The following UGT1A10 variants were observed in gnomAD, a reference collection of about 807,000 sequenced individuals.
The protein encoded by UGT1A10 is UDP glucuronosyltransferase family 1 member A10, also known as UDP-glucuronosyltransferase 1A10.
UGT1A10 carries 49 observed loss-of-function variants against 45.8 expected under a neutral mutation model. The ratio of observed to expected loss-of-function variants is 1.07; its 90% CI spans 0.85 to 1.36. UGT1A10 has a LOEUF of 1.36. Among genes scored for constraint, UGT1A10 ranks in the 40% most tolerant of loss-of-function variants. UGT1A10 has a pLI of 0.00. For missense variants in UGT1A10, 745 were observed against 668.6 expected (o/e 1.11, Z -1.26); for synonymous variants, 284 against 249.7 (o/e 1.14, Z -1.29).
chr2:233,716,115 A>G (rs2076487299), intron 1 of UGT1A10, among the ~76,000 whole-genome samples: 1 of 152,126 alleles, frequency 6.6e-6, no homozygotes, highest in Non-Finnish European at 1.5e-5. Flanking sequence ...TAGTTTTTCC[A>G]TCTTAGTTTT....
intron 1 of UGT1A10, among the ~76,000 whole-genome samples, chr2:233,639,480 T>C (rs907787690): frequency 2.6e-5 from 4 of 152,192 alleles, no homozygotes; most frequent in Non-Finnish European, 5.9e-5. Flanking sequence ...TGCCAGGATG[T>C]GTCTGGGAAA....
At chr2:233,699,749 C>G (rs1408864122) in intron 1 of UGT1A10, among the ~76,000 whole-genome samples, 1 of 152,124 alleles carries the variant, frequency 6.6e-6, no homozygotes, top group Non-Finnish European at 1.5e-5. Context: ...AAAACTAGAC[C>G]CCAGTTCCTC....
chr2:233,760,880 C>T, intron 1 of UGT1A10: 2 of 1,614,166 alleles, frequency 1.2e-6, no homozygotes, highest in Non-Finnish European at 1.7e-6. Context: ...AGGCCTCTCT[C>T]CTCTCATTCA....
chr2:233,665,284 T>C (rs776359376), intron 1 of UGT1A10, among the ~76,000 whole-genome samples: 2 of 152,236 alleles, frequency 1.3e-5, no homozygotes, highest in Admixed American at 6.5e-5. Flanking sequence ...TTGATATAGA[T>C]TTAGGCATTT....
chr2:233,725,119 T>G (rs1275718830), intron 1 of UGT1A10, among the ~76,000 whole-genome samples: 3 of 139,294 alleles, frequency 2.2e-5, no homozygotes. Flanking sequence ...GAGGTTGCAG[T>G]GAGCCGAGAT....
At chr2:233,748,610 A>G (rs1485251658) in intron 1 of UGT1A10, among the ~76,000 whole-genome samples, 1 of 151,818 alleles carries the variant, frequency 6.6e-6, no homozygotes, top group Non-Finnish European at 1.5e-5. Context: ...TAGAGCAACG[A>G]ACGTGGGATA....
intron 1 of UGT1A10, chr2:233,729,392 T>A (rs1335672104): frequency 6.2e-7 from 1 of 1,613,876 alleles, no homozygotes; most frequent in Non-Finnish European, 8.5e-7. Flanking sequence ...CAGGATGAAT[T>A]TGATCGCCAT....
rs571873235 is a variant in UGT1A10, at chr2:233,755,171, G to C, written c.856-11863G>C. On this transcript the variant is annotated intron_variant, in intron 1 of 4. Transcript: ENST00000344644. ...CTTCCTCCCTGTCCTCGGGGTTTTT[G>C]TCGGGGTGCCACTTGAGCGCCAGCT... 3.0e-4 allele frequency: 375 copies of C among 1,256,390 alleles called. 6 individuals carry two copies. In the South Asian group the frequency reaches 4.2e-3, roughly 14 times the overall value. The allele number at this position is 1,256,390 out of a possible 1,614,324, so 77.8% of individuals were successfully genotyped here.
chr2:233,682,609 C>T (rs367786048), intron 1 of UGT1A10: 1 of 1,613,626 alleles, frequency 6.2e-7, no homozygotes, highest in Non-Finnish European at 8.5e-7. Context: ...CCTATTTTTT[C>T]AAAAATGTCT....
At chr2:233,672,501 T>G in intron 1 of UGT1A10, 1 of 1,613,992 alleles carries the variant, frequency 6.2e-7, no homozygotes, top group South Asian at 1.1e-5. Flanking sequence ...CTCTTTCCTA[T>G]GTCCCCAGAA....
intron 1 of UGT1A10, among the ~76,000 whole-genome samples, chr2:233,704,144 G>T (rs2075769955): frequency 6.6e-6 from 1 of 151,886 alleles, no homozygotes; most frequent in Admixed American, 6.6e-5. Context: ...ACCCGCCTCA[G>T]CCTTTCAAAG....
chr2:233,720,447 A>G lies in UGT1A10; in HGVS notation c.856-46587A>G, dbSNP rs148666216. Among the ~76,000 whole-genome samples the G allele has an allele frequency of 8.6e-4, 131 of 152,258 alleles. 1 individual carries two copies. The highest frequency in any genetic ancestry group is 3.8e-4 in the Non-Finnish European group (26 of 68,020). On this transcript the variant is annotated intron_variant, in intron 1 of 4. Coordinates refer to ENST00000344644, the MANE Select transcript of UGT1A10 (RefSeq NM_019075.4). ...GATAAGACCGTGAATCTATAAGCCC[A>G]GTGAAGCTGGGACCAGTGATGAATG...
intron 1 of UGT1A10, among the ~76,000 whole-genome samples, chr2:233,731,205 G>A (rs956328200): frequency 4.6e-5 from 7 of 151,358 alleles, no homozygotes; most frequent in African/African-American, 1.5e-4. Context: ...TATAAAATAC[G>A]TGTTTATTTA....
In UGT1A10 at chr2:233,747,894, T is replaced by C. The variant is rs576515200; in HGVS notation, c.856-19140T>C. 115 of 1,613,584 alleles carry C rather than the reference T, an allele frequency of 7.1e-5. 5 individuals are homozygous for C. In the South Asian group the frequency reaches 1.2e-3, roughly 17 times the overall value. On this transcript the variant is annotated intron_variant, in intron 1 of 4. Coordinates refer to ENST00000344644, the MANE Select transcript of UGT1A10 (RefSeq NM_019075.4). ...CCTGTCCTACCTTTGCCATGCTCTTTCTGCTCCTTATGCAAGCCTTGCCTC... is the reference window on the plus strand; with the variant it reads ...CCTGTCCTACCTTTGCCATGCTCTTCCTGCTCCTTATGCAAGCCTTGCCTC...
At chr2:233,669,063 T>C (rs1229852895) in intron 1 of UGT1A10, among the ~76,000 whole-genome samples, 2 of 152,236 alleles carry the variant, frequency 1.3e-5, no homozygotes, top group Non-Finnish European at 2.9e-5. Flanking sequence ...TTTTCCCGCT[T>C]TCTTGCGAAT....
At chr2:233,754,596 T>C (rs1463963826) in intron 1 of UGT1A10, 2 of 431,834 alleles carry the variant, frequency 4.6e-6, no homozygotes, top group Non-Finnish European at 9.3e-6. Context: ...TGAAGGACTT[T>C]AACTCAACTC....
chr2:233,713,574 C>T (rs1477870335), intron 1 of UGT1A10: 1 of 1,613,856 alleles, frequency 6.2e-7, no homozygotes. Flanking sequence ...CTCCTATATT[C>T]CTAGATTACT....
At chr2:233,751,830 G>A (rs571499151) in intron 1 of UGT1A10, among the ~76,000 whole-genome samples, 82 of 152,290 alleles carry the variant, frequency 5.4e-4, no homozygotes, top group Non-Finnish European at 9.3e-4. Flanking sequence ...CCAGCCATGT[G>A]GAACTGAGTC....
chr2:233,744,048 C>T (rs982904755), intron 1 of UGT1A10: 4 of 712,778 alleles, frequency 5.6e-6, no homozygotes, highest in Non-Finnish European at 8.0e-6. Context: ...AGCCACATCT[C>T]ATTGGTCGAG....
Sources: allele counts gnomAD v4.1 joint callset (sites outside exome capture counted in the v4.1 genomes callset), GRCh38; gene constraint gnomAD v4.1.1; transcripts MANE v1.5; gene names NCBI Gene and HGNC (gene_info 2026-07-23, HGNC 2026-07-21).